Variants in ANKS1A observed in about 807,000 individuals in gnomAD.
The protein encoded by ANKS1A is ankyrin repeat and SAM domain-containing protein 1A.
A neutral mutation model predicts 120.3 loss-of-function variants in ANKS1A; 55 were observed. The observed-to-expected ratio is 0.46, with a 90% CI of 0.37 to 0.57. The LOEUF is 0.57. Ranked by LOEUF, ANKS1A falls within the 20% of genes least tolerant of loss-of-function variation. ANKS1A has a pLI of 0.00. For synonymous variants in ANKS1A, 590 were observed against 604.7 expected, an observed-to-expected ratio of 0.98 and a Z score of 0.36; for missense variants, 1,123 against 1,480.3, an observed-to-expected ratio of 0.76 and a Z score of 3.96.
Position 35,079,906 on chromosome 6 carries a change from C to T in ANKS1A, c.2522C>T (p.Pro841Leu). ...DRPYEEPPQK[P>L]PRFSQLRCQD... Reference sequence around the variant, plus strand: ...CCGTACGAGGAGCCGCCCCAGAAGCCCCCCAGATTCTCCCAGCTGAGGGTG... The same window carrying T: ...CCGTACGAGGAGCCGCCCCAGAAGCTCCCCAGATTCTCCCAGCTGAGGGTG... Residue 841 changes from proline to leucine, a missense_variant, in exon 16 of 24, where the codon CCC becomes CTC. By Grantham distance (98) the Pro-to-Leu change is moderately conservative (BLOSUM62 -3). Coordinates refer to ENST00000360359, the MANE Select transcript of ANKS1A (RefSeq NM_015245.3). 1.9e-6 allele frequency: 3 copies of T among 1,558,648 alleles called. No individual in the cohort carries two copies. Among genetic ancestry groups the T allele is most frequent in the Non-Finnish European group, 2.6e-6 (3 of 1,151,014 alleles).
chr6:35,001,633 T>C (rs924830439), intron 10 of ANKS1A, among the ~76,000 whole-genome samples: 2 of 152,270 alleles, frequency 1.3e-5, no homozygotes, highest in African/African-American at 4.8e-5. Context: ...TTAGCATTCC[T>C]TGGAGACCTG....
chr6:34,935,674 T>C (rs1440355735), intron 1 of ANKS1A, among the ~76,000 whole-genome samples: 1 of 152,222 alleles, frequency 6.6e-6, no homozygotes, highest in Non-Finnish European at 1.5e-5. Flanking sequence ...AGCTTTATAA[T>C]ATTAAAAGCT....
In ANKS1A at chr6:35,086,202, C is replaced by A; in HGVS notation, c.3303+266C>A. On this transcript the variant is annotated intron_variant, in intron 22 of 23. Coordinates refer to ENST00000360359, the MANE Select transcript of ANKS1A (RefSeq NM_015245.3). The surrounding 1 kb of genome is among the most constrained non-coding windows in gnomAD (Gnocchi z 5.1). Reference sequence around the variant, plus strand: ...AAGGCCGTCAAGGGGCTGCAGAGAGCGGCCTGCAGGCAGCCCCCAGTAACT... The same window carrying A: ...AAGGCCGTCAAGGGGCTGCAGAGAGAGGCCTGCAGGCAGCCCCCAGTAACT... 2.3e-6 allele frequency: 3 copies of A among 1,299,144 alleles called. No individual in the cohort carries two copies. The highest frequency in any genetic ancestry group is 3.1e-6 in the Non-Finnish European group (3 of 961,896). The allele number at this position is 1,299,144 out of a possible 1,614,324, so 80.5% of individuals were successfully genotyped here. A position where few individuals can be genotyped will look rare whatever the true frequency, so the allele number is the denominator to read the frequency against.
intron 11 of ANKS1A, among the ~76,000 whole-genome samples, chr6:35,030,851 A>G (rs1362632573): frequency 6.6e-6 from 1 of 151,944 alleles, no homozygotes; most frequent in Non-Finnish European, 1.5e-5. Flanking sequence ...CTTCTCTCTC[A>G]CCTCAGATGG....
At chr6:34,997,395 C>T (rs1398521972) in intron 10 of ANKS1A, among the ~76,000 whole-genome samples, 6 of 151,724 alleles carry the variant, frequency 4.0e-5, no homozygotes, top group African/African-American at 7.3e-5. Flanking sequence ...GGGGTTTTGC[C>T]GTGTTGGCCA....
chr6:34,915,826 T>C (rs1768127612), intron 1 of ANKS1A, among the ~76,000 whole-genome samples: 1 of 152,174 alleles, frequency 6.6e-6, no homozygotes, highest in East Asian at 1.9e-4. Flanking sequence ...TCTGAGCCAC[T>C]CTATTTTGTT....
chr6:34,923,811 T>G (rs1768562784), intron 1 of ANKS1A, among the ~76,000 whole-genome samples: 1 of 152,140 alleles, frequency 6.6e-6, no homozygotes, highest in Non-Finnish European at 1.5e-5. Flanking sequence ...TTTGACCCTT[T>G]TCTAAGTGCA....
At chr6:35,048,351 G>A (rs1407074772) in intron 11 of ANKS1A, among the ~76,000 whole-genome samples, 2 of 152,130 alleles carry the variant, frequency 1.3e-5, no homozygotes, top group Non-Finnish European at 2.9e-5. Flanking sequence ...TGGAGACTGA[G>A]CCCGCTCTGT....
intron 1 of ANKS1A, among the ~76,000 whole-genome samples, chr6:34,897,760 G>A (rs1179534027): frequency 6.6e-6 from 1 of 152,208 alleles, no homozygotes; most frequent in African/African-American, 2.4e-5. Context: ...TGTAGATCAA[G>A]TTTGTTTAGT....
chr6:35,001,843 G>A (rs1434349388), intron 10 of ANKS1A, among the ~76,000 whole-genome samples: 2 of 152,180 alleles, frequency 1.3e-5, no homozygotes, highest in Admixed American at 1.3e-4. Context: ...AAAAAAAATG[G>A]CAGTTGGAGT....
chr6:34,985,007 T>G, intron 7 of ANKS1A, 75 bp from the exon 8 acceptor site: 1 of 1,423,732 alleles, frequency 7.0e-7, no homozygotes, highest in Non-Finnish European at 9.6e-7. Context: ...AAAGAGGCTT[T>G]GGGTTGCTGC....
At chr6:34,953,699 TTTC>T (rs1238953356) in intron 1 of ANKS1A, among the ~76,000 whole-genome samples, 3 of 152,186 alleles carry the variant, frequency 2.0e-5, no homozygotes, top group African/African-American at 4.8e-5. Context: ...CACAGCAACC[TTTC>T]TTCTTCTTTT....
At chr6:34,931,735 A>G (rs913167846) in intron 1 of ANKS1A, among the ~76,000 whole-genome samples, 7 of 152,204 alleles carry the variant, frequency 4.6e-5, no homozygotes, top group Admixed American at 1.3e-4. Context: ...TTCATGGAGG[A>G]TACCCCCTAT....
At chr6:35,026,874 G>A (rs540270102) in intron 11 of ANKS1A, among the ~76,000 whole-genome samples, 2 of 151,620 alleles carry the variant, frequency 1.3e-5, no homozygotes, top group South Asian at 4.2e-4. Flanking sequence ...ATTTTAAGCT[G>A]TTGGGTGCAT....
intron 1 of ANKS1A, among the ~76,000 whole-genome samples, chr6:34,913,765 TG>T (rs1223327759): frequency 6.6e-6 from 1 of 151,902 alleles, no homozygotes; most frequent in East Asian, 1.9e-4. Context: ...TCCCAAGAAC[TG>T]GGACTATAGG....
downstream of ANKS1A, among the ~76,000 whole-genome samples, chr6:35,092,283 G>A (rs1240020678): frequency 2.0e-5 from 3 of 152,136 alleles, no homozygotes; most frequent in African/African-American, 7.2e-5. Context: ...TTCTGTGGAC[G>A]CTTCCGTTTC....
intron 11 of ANKS1A, among the ~76,000 whole-genome samples, chr6:35,048,883 AG>A (rs1726072098): frequency 1.3e-5 from 2 of 152,202 alleles, no homozygotes; most frequent in Non-Finnish European, 2.9e-5. Flanking sequence ...GCTCCTGGGA[AG>A]GGGGAGCACT....
In ANKS1A at chr6:35,082,203, T is replaced by C. The variant is rs566132760; in HGVS notation, c.2710-488T>C. On this transcript the variant is annotated intron_variant, in intron 17 of 23. Transcript: ENST00000360359. The surrounding 1 kb of genome is among the most constrained non-coding windows in gnomAD (Gnocchi z 4.1). Reference sequence around the variant, plus strand: ...GTGGCCTCCCCCACCCCCTAGCTGCTGCCAGAAGGATCCATTTGGAATGCA... The same window carrying C: ...GTGGCCTCCCCCACCCCCTAGCTGCCGCCAGAAGGATCCATTTGGAATGCA... Among the ~76,000 whole-genome samples the C allele has an allele frequency of 6.6e-6, 1 of 152,054 alleles. No homozygotes were observed. Among genetic ancestry groups the C allele is most frequent in the South Asian group, 2.1e-4 (1 of 4,808 alleles).
At chr6:34,920,682 T>G in intron 1 of ANKS1A, among the ~76,000 whole-genome samples, 1 of 152,240 alleles carries the variant, frequency 6.6e-6, no homozygotes, top group East Asian at 1.9e-4. Flanking sequence ...GATACCCATT[T>G]AAGAATTATG....
Sources: gnomAD v4.1 joint callset for allele counts (sites outside exome capture counted in the v4.1 genomes callset) on GRCh38, gnomAD v4.1.1 for gene constraint, Gnocchi (gnomAD v3.1) non-coding constraint, MANE v1.5 for transcripts, NCBI Gene and HGNC (gene_info 2026-07-23, HGNC 2026-07-21) for gene names.